NRG1: variants seen among roughly 807,000 people sequenced by gnomAD.
NRG1 encodes the protein neuregulin 1.
In NRG1, 18 loss-of-function variants were observed where a neutral mutation model predicts 63.8. The observed-to-expected ratio is 0.28, with a 90% CI of 0.19 to 0.42. The LOEUF is 0.42. NRG1 is among the 10% of genes least tolerant of loss of function. NRG1 has a pLI of 1.00. For missense variants in NRG1, 762 were observed against 814.7 expected (o/e 0.94, Z 0.79); for synonymous variants, 302 against 301.3 (o/e 1.00, Z -0.02).
Position 32,324,015 on chromosome 8 carries a change from A to G in NRG1, c.38-271813A>G, listed in dbSNP as rs551903024. ...GTCAGGAGAAAGCTAATCCAACTAT[A>G]AAGTGGCTACGTGATCAGAAATGAC... is the stretch of plus-strand genomic sequence containing the variant. On this transcript the variant is annotated intron_variant, in intron 1 of 10. Coordinates refer to the NRG1 transcript ENST00000519301. 7.9e-4 allele frequency among the ~76,000 whole-genome samples: 120 copies of G among 152,296 alleles called. 1 individual carries two copies. Among genetic ancestry groups the G allele is most frequent in the Non-Finnish European group, 1.4e-3 (97 of 68,018 alleles).
At chr8:32,381,463 A>G (rs1306999479) in intron 1 of NRG1, among the ~76,000 whole-genome samples, 5 of 152,158 alleles carry the variant, frequency 3.3e-5, no homozygotes, top group Non-Finnish European at 7.3e-5. Context: ...GGACATCCTC[A>G]ACACGGAGGC....
intron 1 of NRG1, among the ~76,000 whole-genome samples, chr8:32,081,805 C>T (rs1340237912): frequency 1.3e-5 from 2 of 150,258 alleles, no homozygotes; most frequent in African/African-American, 4.9e-5. Flanking sequence ...AGGAATGGGT[C>T]ATGCCACTCA....
chr8:31,946,605 T>C (rs374170725), intron 1 of NRG1, among the ~76,000 whole-genome samples: 60 of 41,670 alleles, frequency 1.4e-3, no homozygotes, highest in African/African-American at 3.7e-3. Context: ...AGATGTGATG[T>C]ATATCACTCT....
At chr8:31,958,212 A>C (rs933344607) in intron 1 of NRG1, among the ~76,000 whole-genome samples, 2 of 152,222 alleles carry the variant, frequency 1.3e-5, no homozygotes, top group Non-Finnish European at 2.9e-5. Context: ...GATTAAAGAT[A>C]ACAGGTAAAT....
At chr8:32,158,448 G>GATAGATATAT (rs1491221971) in intron 1 of NRG1, among the ~76,000 whole-genome samples, 8 of 62,170 alleles carry the variant, frequency 1.3e-4, no homozygotes, top group South Asian at 7.1e-4. Flanking sequence ...TGGTTTACAT[G>GATAGATATAT]ATATATATAT....
chr8:32,534,091 CACATACTTCTT>C (rs1475772228), intron 1 of NRG1, among the ~76,000 whole-genome samples: 3 of 152,110 alleles, frequency 2.0e-5, no homozygotes, highest in South Asian at 4.1e-4. Context: ...CTTTAACAGC[CACATACTTCTT>C]ACCCAGAAAC....
chr8:32,390,704 G>A (rs902446078), intron 1 of NRG1, among the ~76,000 whole-genome samples: 11 of 151,308 alleles, frequency 7.3e-5, no homozygotes, highest in South Asian at 2.1e-4. Flanking sequence ...CAATGCCCAC[G>A]TCCTCCATCA....
chr8:31,689,317 A>G (rs1362899395), intron 1 of NRG1, among the ~76,000 whole-genome samples: 3 of 152,220 alleles, frequency 2.0e-5, no homozygotes, highest in African/African-American at 7.2e-5. Context: ...CTTTCTCACA[A>G]CCTATGTGCT....
chr8:32,174,493 C>T (rs1840460257), intron 1 of NRG1, among the ~76,000 whole-genome samples: 1 of 152,118 alleles, frequency 6.6e-6, no homozygotes, highest in Admixed American at 6.5e-5. Context: ...CAGAGCAGAA[C>T]TGAAGGAAAT....
chr8:32,588,008 G>A (rs1258403024), intron 1 of NRG1, among the ~76,000 whole-genome samples: 1 of 151,950 alleles, frequency 6.6e-6, no homozygotes, highest in Non-Finnish European at 1.5e-5. Context: ...TGCAATCTCT[G>A]CCTCCCCAGT....
chr8:32,745,233 G>A (rs929156730), intron 7 of NRG1, among the ~76,000 whole-genome samples: 17 of 152,228 alleles, frequency 1.1e-4, no homozygotes, highest in African/African-American at 2.9e-4. Context: ...CATAGTGACC[G>A]TTTTAAAATT....
intron 1 of NRG1, among the ~76,000 whole-genome samples, chr8:32,180,332 G>T (rs1841301561): frequency 6.6e-6 from 1 of 151,976 alleles, no homozygotes; most frequent in Non-Finnish European, 1.5e-5. Context: ...AAATATTTTT[G>T]GTGCCATAGA....
chr8:31,832,543 G>C (rs184729311), intron 1 of NRG1, among the ~76,000 whole-genome samples: 62 of 152,298 alleles, frequency 4.1e-4, no homozygotes, highest in African/African-American at 1.4e-3. Context: ...ACAGGCATGA[G>C]CCATCGTGCC....
At chr8:31,817,839 G>T (rs1317590023) in intron 1 of NRG1, among the ~76,000 whole-genome samples, 1 of 152,154 alleles carries the variant, frequency 6.6e-6, no homozygotes, top group Non-Finnish European at 1.5e-5. Context: ...AATTTCTTTT[G>T]TAAGATATTA....
intron 1 of NRG1, among the ~76,000 whole-genome samples, chr8:32,423,943 A>T (rs988393668): frequency 1.3e-5 from 2 of 152,112 alleles, no homozygotes; most frequent in Admixed American, 6.6e-5. Context: ...AATGAATGGG[A>T]ATGTTATTTT....
chr8:32,017,197 A>G (rs1453996061), intron 1 of NRG1, among the ~76,000 whole-genome samples: 3 of 152,234 alleles, frequency 2.0e-5, no homozygotes, highest in African/African-American at 7.2e-5. Context: ...TTATCTCTGC[A>G]TATTTTTGCA....
intron 1 of NRG1, among the ~76,000 whole-genome samples, chr8:32,290,950 C>G (rs1007269030): frequency 6.6e-6 from 1 of 151,988 alleles, no homozygotes; most frequent in African/African-American, 2.4e-5. Flanking sequence ...TGTGTGTACA[C>G]AAGTCCCAAG....
At chr8:32,737,471 A>G (rs1825360878) in intron 6 of NRG1, among the ~76,000 whole-genome samples, 1 of 151,994 alleles carries the variant, frequency 6.6e-6, no homozygotes, top group South Asian at 2.1e-4. Flanking sequence ...GAATTGCTTG[A>G]ATCTGGGAGG....
At chr8:32,402,510 C>A (rs192628119) in intron 1 of NRG1, among the ~76,000 whole-genome samples, 2 of 152,146 alleles carry the variant, frequency 1.3e-5, no homozygotes, top group Non-Finnish European at 2.9e-5. Context: ...CTGTCCCATG[C>A]GGGACATGAA....
Sources: allele counts gnomAD v4.1 joint callset (sites outside exome capture counted in the v4.1 genomes callset), GRCh38; gene constraint gnomAD v4.1.1; transcripts MANE v1.5; gene names NCBI Gene and HGNC (gene_info 2026-07-23, HGNC 2026-07-21).